The following TFEC variants were observed in gnomAD, a reference collection of about 807,000 sequenced individuals.
TFEC encodes transcription factor EC.
Under a neutral mutation model 41.6 loss-of-function variants are expected in TFEC, and 31 were observed. The observed-to-expected ratio is 0.74, with a 90% CI of 0.56 to 1.01. The LOEUF is 1.01. Ranked by LOEUF, TFEC falls within the 50% of genes least tolerant of loss-of-function variation. The pLI, the probability that TFEC is intolerant of heterozygous loss-of-function variation, is 0.00. For synonymous variants in TFEC, 143 were observed against 140.6 expected, an observed-to-expected ratio of 1.02 and a Z score of -0.12; for missense variants, 402 against 404.1, an observed-to-expected ratio of 0.99 and a Z score of 0.04.
At chr7:115,961,512 A>C (rs1792550867) in intron 3 of TFEC, among the ~76,000 whole-genome samples, 1 of 151,634 alleles carries the variant, frequency 6.6e-6, no homozygotes, top group South Asian at 2.1e-4. Context: ...AGGGGAAATA[A>C]CCAAATAAAT....
chr7:116,014,482 C>A (rs1795116928), intron 1 of TFEC, among the ~76,000 whole-genome samples: 1 of 151,762 alleles, frequency 6.6e-6, no homozygotes. Context: ...AGCTTACAAA[C>A]CAACTTTAAA....
Position 115,950,896 on chromosome 7 carries a change from G to C in TFEC, c.493C>G (p.Leu165Val), listed in dbSNP as rs779672171. Residue 165 changes from leucine to valine, a missense_variant, in exon 6 of 8, where the codon CTT becomes GTT. By Grantham distance (32) the Leu-to-Val change is conservative (BLOSUM62 1). Coordinates refer to ENST00000265440, the MANE Select transcript of TFEC (RefSeq NM_012252.4). ...INYRIKELGT[L>V]IPKSNDPDMR... ...CACGGATCATTAGACTTTGGAATAA[G>C]AGTGCCAAGCTCCTTGATTCGGTAA... The C allele has an allele frequency of 1.2e-6, 2 of 1,604,392 alleles. No homozygotes were observed. The highest frequency in any genetic ancestry group is 1.7e-6 in the Non-Finnish European group (2 of 1,174,980).
intron 6 of TFEC, among the ~76,000 whole-genome samples, chr7:115,942,577 T>C (rs988251788): frequency 4.6e-5 from 7 of 152,076 alleles, no homozygotes; most frequent in African/African-American, 9.7e-5. Context: ...CATCACTTTA[T>C]GTAATAGAGC....
At chr7:116,097,029 G>T (rs933613488) in intron 3 of TFEC, among the ~76,000 whole-genome samples, 1 of 151,792 alleles carries the variant, frequency 6.6e-6, no homozygotes, top group Non-Finnish European at 1.5e-5. Context: ...GTCGGAGGTT[G>T]CAGTGAGCTG....
chr7:115,994,067 C>A (rs1315458330), intron 1 of TFEC, among the ~76,000 whole-genome samples: 1 of 152,218 alleles, frequency 6.6e-6, no homozygotes, highest in Non-Finnish European at 1.5e-5. Flanking sequence ...CTACAACCAT[C>A]TGATCTTTGA....
chr7:116,139,720 A>G (rs951025262), intron 1 of TFEC, among the ~76,000 whole-genome samples: 4 of 152,188 alleles, frequency 2.6e-5, no homozygotes, highest in Non-Finnish European at 4.4e-5. Context: ...TGGAGAAGAA[A>G]GGTTTGTAGA....
rs192457685 is a variant in TFEC at position 116,021,138 on chromosome 7, A to T, written c.-73+9495T>A. Among the ~76,000 whole-genome samples, 22 of 152,284 alleles carry T rather than the reference A, an allele frequency of 1.4e-4. 1 individual carries two copies. Among genetic ancestry groups the T allele is most frequent in the Admixed American group, 5.2e-4 (8 of 15,288 alleles). On this transcript the variant is annotated intron_variant, in intron 1 of 7. Transcript: ENST00000265440. Reference sequence around the variant, plus strand: ...AACATAAGAATTGATATATAAAAGCATTTCCTTTTAAAAAGCCATGCAAAT... The same window carrying T: ...AACATAAGAATTGATATATAAAAGCTTTTCCTTTTAAAAAGCCATGCAAAT...
intron 6 of TFEC, among the ~76,000 whole-genome samples, chr7:115,946,688 C>A (rs1364866256): frequency 1.2e-5 from 1 of 83,984 alleles, no homozygotes; most frequent in Non-Finnish European, 2.6e-5. Flanking sequence ...TTTCTTTTTT[C>A]TTTTCTCTTC....
intron 1 of TFEC, among the ~76,000 whole-genome samples, chr7:116,154,506 T>C (rs1057278796): frequency 7.2e-5 from 11 of 152,160 alleles, no homozygotes; most frequent in Admixed American, 4.6e-4. Flanking sequence ...TTCAAAATCT[T>C]CTATGGGTTA....
chr7:116,024,763 T>C (rs1308400472), intron 1 of TFEC, among the ~76,000 whole-genome samples: 1 of 152,178 alleles, frequency 6.6e-6, no homozygotes, highest in African/African-American at 2.4e-5. Context: ...TGTTTTAGCT[T>C]ATCCATTTAT....
chr7:116,109,992 C>T (rs1374159337), intron 3 of TFEC, among the ~76,000 whole-genome samples: 4 of 152,218 alleles, frequency 2.6e-5, no homozygotes, highest in East Asian at 3.9e-4. Context: ...AACCAAACAC[C>T]GCATGTTCTC....
chr7:116,059,373 A>C (rs1796500614), intron 3 of TFEC, among the ~76,000 whole-genome samples: 1 of 151,944 alleles, frequency 6.6e-6, no homozygotes, highest in African/African-American at 2.4e-5. Context: ...TCCCAAGAAG[A>C]AAACTCTAAG....
At chr7:115,985,309 C>A (rs1054635415) in intron 1 of TFEC, among the ~76,000 whole-genome samples, 2 of 152,088 alleles carry the variant, frequency 1.3e-5, no homozygotes, top group African/African-American at 4.8e-5. Context: ...TAATATTGTA[C>A]TATCATTTGT....
At chr7:115,970,202 C>A (rs182054886) in intron 3 of TFEC, among the ~76,000 whole-genome samples, 9 of 152,018 alleles carry the variant, frequency 5.9e-5, no homozygotes, top group African/African-American at 2.2e-4. Flanking sequence ...AGTGAAAAAT[C>A]AGAGAATCCA....
At chr7:115,978,538 T>C (rs1793486136) in intron 2 of TFEC, among the ~76,000 whole-genome samples, 1 of 152,198 alleles carries the variant, frequency 6.6e-6, no homozygotes. Flanking sequence ...TGACCCGTTA[T>C]GCCTTTGCTC....
intron 3 of TFEC, among the ~76,000 whole-genome samples, chr7:116,071,360 A>C (rs1796823642): frequency 6.6e-6 from 1 of 151,044 alleles, no homozygotes; most frequent in African/African-American, 2.4e-5. Flanking sequence ...AAAAAAAAAA[A>C]ACCTGAATAT....
intron 3 of TFEC, among the ~76,000 whole-genome samples, chr7:116,072,704 T>C (rs975817124): frequency 6.6e-6 from 1 of 151,574 alleles, no homozygotes; most frequent in Non-Finnish European, 1.5e-5. Context: ...AAATATCAAC[T>C]TATAAAACCA....
chr7:116,109,266 T>C (rs1372794287), intron 3 of TFEC, among the ~76,000 whole-genome samples: 4 of 152,070 alleles, frequency 2.6e-5, no homozygotes, highest in Admixed American at 1.3e-4. Context: ...CAAAAGAAAC[T>C]ACCATCAGAG....
chr7:116,057,708 A>C (rs1487476181), intron 3 of TFEC, among the ~76,000 whole-genome samples: 5 of 151,888 alleles, frequency 3.3e-5, no homozygotes, highest in African/African-American at 1.2e-4. Context: ...TGAGGGGTTT[A>C]TACTATCAGT....
Sources: gnomAD v4.1 joint callset for allele counts (sites outside exome capture counted in the v4.1 genomes callset) on GRCh38, gnomAD v4.1.1 for gene constraint, MANE v1.5 for transcripts, NCBI Gene and HGNC (gene_info 2026-07-23, HGNC 2026-07-21) for gene names.